PARP15: variants seen among roughly 807,000 people sequenced by gnomAD.
PARP15 encodes the protein poly(ADP-ribose) polymerase family member 15, also known as protein mono-ADP-ribosyltransferase PARP15.
In PARP15, 50 loss-of-function variants were observed where a neutral mutation model predicts 62.1. That is an observed-to-expected ratio of 0.81 (90% confidence interval 0.64 to 1.02). The LOEUF is 1.02. Ranked by LOEUF, PARP15 falls within the 50% of genes least tolerant of loss-of-function variation. The pLI is 0.00. For synonymous variants in PARP15, 309 were observed against 293.1 expected (o/e 1.05, Z -0.55); for missense variants, 820 against 826.5 (o/e 0.99, Z 0.10).
intron 5 of PARP15, among the ~76,000 whole-genome samples, chr3:122,616,134 T>C (rs1253247947): frequency 3.3e-5 from 5 of 152,180 alleles, no homozygotes; most frequent in Non-Finnish European, 7.3e-5. Context: ...CTGATTGCTT[T>C]CATATATAGT....
chr3:122,596,287 C>T (rs976928323), intron 1 of PARP15, among the ~76,000 whole-genome samples: 7 of 128,162 alleles, frequency 5.5e-5, no homozygotes, highest in South Asian at 2.6e-4. Flanking sequence ...ACCAAGGAGT[C>T]GGAGGTTGCA....
In PARP15 at chr3:122,595,969, T is replaced by C. The variant is rs551853539; in HGVS notation, c.187-9967T>C. The stretch of plus-strand genomic sequence containing the variant: ...AGTGGCATTAAATACTGTGTACCTA[T>C]GGCTCAGTTTTTATCTGCAGTCAAG... On this transcript the variant is annotated intron_variant, in intron 1 of 11. Coordinates refer to ENST00000464300, the MANE Select transcript of PARP15 (RefSeq NM_001113523.3). Among the ~76,000 whole-genome samples, 5 of 152,304 alleles carry C rather than the reference T, an allele frequency of 3.3e-5. No homozygotes were observed. In the South Asian group the frequency reaches 1.0e-3, roughly 32 times the overall value.
At position 122,614,000 on chromosome 3, in the gene PARP15, C is replaced by T. The variant is rs372823010; in HGVS notation, c.771+732C>T. Among the ~76,000 whole-genome samples, 37 of 151,978 alleles carry T rather than the reference C, an allele frequency of 2.4e-4. 1 individual carries two copies. In the South Asian group the frequency reaches 3.3e-3, roughly 14 times the overall value. The stretch of plus-strand genomic sequence containing the variant: ...AGCTGGGATTACAGGCATGTGCTAC[C>T]ACGCTCGGCTAATTTTTGTATTATT... On this transcript the variant is annotated intron_variant, in intron 4 of 11. Transcript: ENST00000464300.
chr3:122,584,002 C>T (rs1194329520), intron 1 of PARP15, among the ~76,000 whole-genome samples: 2 of 151,920 alleles, frequency 1.3e-5, no homozygotes, highest in South Asian at 4.2e-4. Context: ...TGGCTTGCAC[C>T]GCTCTCCATG....
chr3:122,579,993 C>CTATATT, intron 1 of PARP15, among the ~76,000 whole-genome samples: 1 of 70,876 alleles, frequency 1.4e-5, no homozygotes, highest in Non-Finnish European at 3.0e-5. Flanking sequence ...ACAACAGCAA[C>CTATATT]TATATGTATA....
At chr3:122,628,683 C>T (rs1401529069) in intron 9 of PARP15, among the ~76,000 whole-genome samples, 1 of 152,168 alleles carries the variant, frequency 6.6e-6, no homozygotes, top group African/African-American at 2.4e-5. Context: ...AATGAGCAGA[C>T]AACTGACCCT....
intron 1 of PARP15, among the ~76,000 whole-genome samples, chr3:122,592,307 G>A (rs1278112376): frequency 6.6e-6 from 1 of 152,172 alleles, no homozygotes; most frequent in African/African-American, 2.4e-5. Context: ...GATGGAGCTG[G>A]AAGCCATTAT....
chr3:122,630,516 C>A (rs776663522), intron 9 of PARP15, among the ~76,000 whole-genome samples: 13 of 151,792 alleles, frequency 8.6e-5, no homozygotes, highest in Non-Finnish European at 1.0e-4. Context: ...AGAACCTCAT[C>A]TCTACAAAAA....
chr3:122,610,450 A>G (rs1443988672), intron 2 of PARP15, 44 bp from the exon 3 acceptor site: 2 of 1,459,466 alleles, frequency 1.4e-6, no homozygotes, highest in East Asian at 2.5e-5. Context: ...CTCCATCATT[A>G]TGTATTATTG....
rs777451961 is a variant in PARP15 at position 122,615,871 on chromosome 3, G to A, written c.850+14G>A. 17 of 1,602,360 alleles carry A rather than the reference G, an allele frequency of 1.1e-5. No homozygotes were observed. Among genetic ancestry groups the A allele is most frequent in the Admixed American group, 3.4e-5 (2 of 59,508 alleles). ...GAGATACCCAAGGTCTGGTAAAGTC[G>A]TTCTGCTAAGGAAATATTTCCTTTT... On this transcript the variant is annotated intron_variant, in intron 5 of 11. Transcript: ENST00000464300.
Position 122,631,026 on chromosome 3 carries a change from A to G in PARP15, c.1439-1060A>G, listed in dbSNP as rs143101848. On this transcript the variant is annotated intron_variant, in intron 9 of 11. Coordinates refer to ENST00000464300, the MANE Select transcript of PARP15 (RefSeq NM_001113523.3). ...GCTTCCTGCTTTCCAGCCTCAGGGC[A>G]TGAAAGGAATAGAAGGCCCCCAAAA... is the stretch of plus-strand genomic sequence containing the variant. 1.7e-3 allele frequency among the ~76,000 whole-genome samples: 257 copies of G among 152,304 alleles called. 2 individuals are homozygous for G. The East Asian group carries it at 0.031, about 18-fold the overall frequency.
chr3:122,595,957 A>G (rs933961976), intron 1 of PARP15, among the ~76,000 whole-genome samples: 12 of 151,840 alleles, frequency 7.9e-5, no homozygotes, highest in African/African-American at 2.2e-4. Flanking sequence ...GGCATTAAAT[A>G]CTGTGTACCT....
chr3:122,593,112 C>CTATCTATCTATCTATG (rs1934063934), intron 1 of PARP15, among the ~76,000 whole-genome samples: 1 of 95,550 alleles, frequency 1.0e-5, no homozygotes, highest in African/African-American at 2.9e-5. Context: ...ATCTATCTAT[C>CTATCTATCTATCTATG]TATCTATCTA....
intron 1 of PARP15, among the ~76,000 whole-genome samples, chr3:122,605,632 G>C (rs1172570555): frequency 6.6e-6 from 1 of 152,068 alleles, no homozygotes; most frequent in Non-Finnish European, 1.5e-5. Flanking sequence ...GGAGTGCAGT[G>C]GTGCCATCAT....
intron 9 of PARP15, among the ~76,000 whole-genome samples, chr3:122,630,759 T>A (rs768787124): frequency 2.0e-5 from 3 of 152,156 alleles, no homozygotes; most frequent in Non-Finnish European, 4.4e-5. Flanking sequence ...TTTTTAAGAA[T>A]AATAACCCTA....
intron 9 of PARP15, among the ~76,000 whole-genome samples, chr3:122,631,164 T>C (rs1937040880): frequency 6.6e-6 from 1 of 152,218 alleles, no homozygotes. Context: ...AGAAAGATCC[T>C]GAAGGAGATG....
chr3:122,612,419 T>A (rs181945599), intron 3 of PARP15, among the ~76,000 whole-genome samples: 17 of 152,018 alleles, frequency 1.1e-4, no homozygotes, highest in Admixed American at 4.6e-4. Context: ...TAAATACAGT[T>A]TTTTTGTTTT....
At chr3:122,629,043 T>C (rs1024384801) in intron 9 of PARP15, among the ~76,000 whole-genome samples, 4 of 152,240 alleles carry the variant, frequency 2.6e-5, no homozygotes, top group Non-Finnish European at 5.9e-5. Flanking sequence ...ATTAGAAATA[T>C]AGATTTGGGA....
At position 122,617,020 on chromosome 3, in the gene PARP15, G is replaced by A; in HGVS notation, c.856G>A (p.Val286Ile). ...CCTATTTTCTTTCTTTTCAGGTGTG[G>A]TCGGGACTGTCTCTAAGCCTTGTTT... ...IPMAGDTQGV[V>I]GTVSKPCFTA... is the part of the protein sequence containing the mutation. The change falls in exon 6 of 12, where the codon GTC becomes ATC. Residue 286 changes from valine to isoleucine, a missense_variant. By Grantham distance (29) the Val-to-Ile change is conservative (BLOSUM62 3). Transcript: ENST00000464300. 6.2e-7 allele frequency: 1 copy of A among 1,614,030 alleles called. No individual in the cohort carries two copies. Among genetic ancestry groups the A allele is most frequent in the Non-Finnish European group, 8.5e-7 (1 of 1,179,948 alleles).
Sources: allele counts gnomAD v4.1 joint callset (sites outside exome capture counted in the v4.1 genomes callset), GRCh38; gene constraint gnomAD v4.1.1; transcripts MANE v1.5; gene names NCBI Gene and HGNC (gene_info 2026-07-23, HGNC 2026-07-21).